Variants in ERCC6L2 observed in about 807,000 individuals in gnomAD.
The protein encoded by ERCC6L2 is DNA excision repair protein ERCC-6-like 2.
Under a neutral mutation model 132.0 loss-of-function variants are expected in ERCC6L2, and 77 were observed. The ratio of observed to expected loss-of-function variants is 0.58; its 90% confidence interval spans 0.49 to 0.71. The LOEUF (loss-of-function observed/expected upper bound fraction) is 0.71, where lower values mean the gene tolerates loss of function less well. ERCC6L2 is among the 30% of genes least tolerant of loss of function. ERCC6L2 has a pLI of 0.00. For synonymous variants in ERCC6L2, 583 were observed against 632.4 expected (o/e 0.92, Z 1.17); for missense variants, 1,542 against 1,837.6 (o/e 0.84, Z 2.94).
At chr9:96,010,444 G>A (rs1354467504) in intron 18 of ERCC6L2, among the ~76,000 whole-genome samples, 1 of 152,168 alleles carries the variant, frequency 6.6e-6, no homozygotes, top group Non-Finnish European at 1.5e-5. Context: ...TTAATGCTAA[G>A]GATTCTCTGT....
chr9:95,970,992 G>A (rs1485936500), intron 15 of ERCC6L2, among the ~76,000 whole-genome samples: 1 of 151,972 alleles, frequency 6.6e-6, no homozygotes, highest in Non-Finnish European at 1.5e-5. Context: ...CCATCAATGT[G>A]TATTTAAAAT....
chr9:95,954,197 C>T (rs1433564413), intron 12 of ERCC6L2, among the ~76,000 whole-genome samples: 1 of 152,212 alleles, frequency 6.6e-6, no homozygotes, highest in Admixed American at 6.5e-5. Flanking sequence ...AAAGCTTACA[C>T]TTTTAATCAG....
chr9:95,890,760 T>TGGGCTCAAGTGATCCTCCC (rs1343890695), intron 2 of ERCC6L2, among the ~76,000 whole-genome samples: 1 of 152,088 alleles, frequency 6.6e-6, no homozygotes, highest in Non-Finnish European at 1.5e-5. Context: ...CTTGACCTCC[T>TGGGCTCAAGTGATCCTCCC]GGGCTCAAGT....
chr9:95,970,774 G>A (rs1832379049), intron 15 of ERCC6L2, 118 bp downstream of exon 15: 4 of 577,946 alleles, frequency 6.9e-6, no homozygotes, highest in South Asian at 2.6e-5. Flanking sequence ...TAAGAGTCAA[G>A]GACACAAAGT....
rs887452131 is a variant in ERCC6L2, at chr9:96,015,496, C to T, written c.*2293C>T. Among the ~76,000 whole-genome samples the T allele has an allele frequency of 6.7e-6, 1 of 150,272 alleles. No homozygotes were observed. The highest frequency in any genetic ancestry group is 1.5e-5 in the Non-Finnish European group (1 of 67,654). On this transcript the variant is annotated 3_prime_UTR_variant, in exon 19 of 19. Coordinates refer to ENST00000653738, the MANE Select transcript of ERCC6L2 (RefSeq NM_020207.7). ...AGCCACCATGCCCAGCCAATAAATG[C>T]TATTAAAGAAACTTTTAGGCCGGGC...
intron 7 of ERCC6L2, 38 bp downstream of exon 7, chr9:95,921,353 AT>A: frequency 6.5e-7 from 1 of 1,549,234 alleles, no homozygotes; most frequent in Non-Finnish European, 8.8e-7. Context: ...CATGCTTTTG[AT>A]TACATAGTAC....
At chr9:95,887,622 A>G (rs1440827894) in intron 2 of ERCC6L2, among the ~76,000 whole-genome samples, 1 of 152,214 alleles carries the variant, frequency 6.6e-6, no homozygotes, top group Non-Finnish European at 1.5e-5. Context: ...TAGATATTAC[A>G]TTATTGAAAA....
chr9:95,977,435 C>T (rs1832717436), intron 16 of ERCC6L2, among the ~76,000 whole-genome samples: 1 of 152,104 alleles, frequency 6.6e-6, no homozygotes, highest in African/African-American at 2.4e-5. Context: ...CTTTTATGAT[C>T]ACAATTCAAA....
intron 19 of ERCC6L2, among the ~76,000 whole-genome samples, chr9:96,026,915 ACC>A (rs1277181379): frequency 5.7e-4 from 66 of 115,654 alleles, no homozygotes; most frequent in Non-Finnish European, 1.1e-3. Context: ...CACCAAACAC[ACC>A]ACACGCACAC....
chr9:95,992,804 G>T (rs962707824), intron 17 of ERCC6L2, among the ~76,000 whole-genome samples: 53 of 152,134 alleles, frequency 3.5e-4, no homozygotes, highest in African/African-American at 1.1e-3. Flanking sequence ...AGCAGTGGGT[G>T]CCTGCCAAGA....
intron 2 of ERCC6L2, among the ~76,000 whole-genome samples, chr9:95,886,445 A>G (rs1827872399): frequency 6.6e-6 from 1 of 152,218 alleles, no homozygotes; most frequent in East Asian, 1.9e-4. Flanking sequence ...AGGCACAGGA[A>G]TGACTTCCCT....
Position 96,005,625 on chromosome 9 carries a change from G to C in ERCC6L2, c.3674+924G>C, listed in dbSNP as rs140425868. On this transcript the variant is annotated intron_variant, in intron 18 of 18. Transcript: ENST00000653738. ...AGCTGGGAGAAGACTGGTGGCCTTA[G>C]TGCAGAATAAACCAAGCAGAGAGTA... Among the ~76,000 whole-genome samples the C allele has an allele frequency of 1.6e-3, 249 of 151,838 alleles. 2 individuals are homozygous for C. The highest frequency in any genetic ancestry group is 5.6e-3 in the African/African-American group (233 of 41,402).
intron 17 of ERCC6L2, among the ~76,000 whole-genome samples, chr9:95,990,584 C>T (rs977227885): frequency 2.6e-5 from 4 of 152,180 alleles, no homozygotes; most frequent in African/African-American, 9.7e-5. Flanking sequence ...TGGAGTGGCT[C>T]GTTTCAGCCC....
At chr9:96,001,785 G>C (rs1182698602) in intron 17 of ERCC6L2, among the ~76,000 whole-genome samples, 3 of 152,240 alleles carry the variant, frequency 2.0e-5, no homozygotes, top group African/African-American at 7.2e-5. Context: ...GCTCGTCGGG[G>C]AGGCTTGGGC....
chr9:96,040,683 C>G (rs112219015), intron 20 of ERCC6L2, among the ~76,000 whole-genome samples: 1 of 152,252 alleles, frequency 6.6e-6, no homozygotes, highest in Non-Finnish European at 1.5e-5. Context: ...ATGCGTGGCC[C>G]ATGGCCACAC....
Position 95,880,846 on chromosome 9 carries a change from CTTTAT to C in ERCC6L2, c.47-19_47-15del. ...TTACTTTATAAGCTAGCTTTGGAAA[CTTTAT>C]TTTCTTTATTCTTGCAGACATATGG... is the stretch of plus-strand genomic sequence containing the variant. On this transcript the variant is annotated intron_variant, in intron 1 of 18. Coordinates refer to ENST00000653738, the MANE Select transcript of ERCC6L2 (RefSeq NM_020207.7). The C allele has an allele frequency of 6.4e-7, 1 of 1,567,258 alleles. No individual in the cohort carries two copies. Among genetic ancestry groups the C allele is most frequent in the Non-Finnish European group, 8.6e-7 (1 of 1,160,720 alleles).
Position 95,896,380 on chromosome 9 carries a change from TTTTGTTTG to T in ERCC6L2, c.472-1453_472-1446del, listed in dbSNP as rs201374421. Among the ~76,000 whole-genome samples the T allele has an allele frequency of 4.6e-5, 7 of 151,594 alleles. No homozygotes were observed. The East Asian group carries it at 7.7e-4, about 17-fold the overall frequency. ...AGGTCAGCTACTTGTCTATTTGTTT[TTTTGTTTG>T]TTTGTTTGTTTGTTTTTTGATTTTT... On this transcript the variant is annotated intron_variant, in intron 2 of 18. Transcript: ENST00000653738.
At chr9:95,885,354 A>G (rs1272989791) in intron 2 of ERCC6L2, among the ~76,000 whole-genome samples, 3 of 152,216 alleles carry the variant, frequency 2.0e-5, no homozygotes, top group Non-Finnish European at 2.9e-5. Flanking sequence ...AGCCAAGACG[A>G]TGAACATGTC....
intron 9 of ERCC6L2, among the ~76,000 whole-genome samples, chr9:95,925,052 C>T (rs1830043796): frequency 6.6e-6 from 1 of 152,138 alleles, no homozygotes; most frequent in African/African-American, 2.4e-5. Context: ...AATTGAGTTG[C>T]ATTTACCTTT....
Sources: gnomAD v4.1 joint callset for allele counts (sites outside exome capture counted in the v4.1 genomes callset) on GRCh38, gnomAD v4.1.1 for gene constraint, MANE v1.5 for transcripts, NCBI Gene and HGNC (gene_info 2026-07-23, HGNC 2026-07-21) for gene names.